TMEM234: variants seen among roughly 807,000 people sequenced by gnomAD.
TMEM234 encodes the protein transmembrane protein 234.
TMEM234 carries 21 observed loss-of-function variants against 17.8 expected under a neutral mutation model. That is an observed-to-expected ratio of 1.18 (90% CI 0.84 to 1.70). TMEM234 has a LOEUF of 1.70. Ranked by LOEUF, TMEM234 falls within the 40% of genes most tolerant of loss-of-function variation. The pLI is 0.00. For missense variants in TMEM234, 137 were observed against 166.9 expected, an observed-to-expected ratio of 0.82 and a Z score of 0.99; for synonymous variants, 83 against 73.5, an observed-to-expected ratio of 1.13 and a Z score of -0.66.
rs1638416443 is a variant in TMEM234, at chr1:32,216,698, C to T, written c.*155G>A. On this transcript the variant is annotated 3_prime_UTR_variant, in exon 5 of 5. Coordinates refer to ENST00000309777, the MANE Select transcript of TMEM234 (RefSeq NM_019118.5). ...GTTACAAAACTCTTTCACTCTTGTT[C>T]TCTTATTGTGATCCATGAGGTAGCT... is the stretch of plus-strand genomic sequence containing the variant. 6.7e-7 allele frequency: 1 copy of T among 1,496,394 alleles called. No individual in the cohort carries two copies. Among genetic ancestry groups the T allele is most frequent in the South Asian group, 1.3e-5 (1 of 75,006 alleles). 92.7% of individuals were successfully genotyped at this position (1,496,394 alleles called of 1,614,324 possible).
At chr1:32,220,707 C>G (rs577645976) in intron 3 of TMEM234, among the ~76,000 whole-genome samples, 1 of 152,170 alleles carries the variant, frequency 6.6e-6, no homozygotes, top group Non-Finnish European at 1.5e-5. Context: ...GGAGCTCTGA[C>G]TGTGTGCCAG....
At chr1:32,215,130 A>G, downstream of TMEM234, 6 of 740,938 alleles carry the variant, frequency 8.1e-6, no homozygotes, top group South Asian at 6.2e-5. Flanking sequence ...AAAAGCTGGT[A>G]CTGACCTCAT....
At chr1:32,219,045 G>A (rs775680343) in intron 3 of TMEM234, among the ~76,000 whole-genome samples, 1 of 151,588 alleles carries the variant, frequency 6.6e-6, no homozygotes, top group Non-Finnish European at 1.5e-5. Context: ...CTGGGAGGCG[G>A]AGGTTGCAGT....
chr1:32,221,199 TG>T lies in TMEM234; in HGVS notation c.169-3del. 6.2e-7 allele frequency: 1 copy of T among 1,612,880 alleles called. No individual in the cohort carries two copies. The highest frequency in any genetic ancestry group is 8.5e-7 in the Non-Finnish European group (1 of 1,179,420). The stretch of plus-strand genomic sequence containing the variant: ...GTTGAGGAGAAAGGGCATCAGGTAC[TG>T]GAAAGAGGAGAAACCTGCAGTCAGT... On this transcript the variant is annotated splice_polypyrimidine_tract_variant and splice_region_variant and intron_variant, in intron 2 of 4. Transcript: ENST00000309777.
Position 32,216,610 on chromosome 1 carries a change from G to A in TMEM234, c.*243C>T. ...AGGAAGAGAGCTGCTGGGGCAGAAA[G>A]GTTGCTGAGGGTGAGCGTAGAGTCT... On this transcript the variant is annotated 3_prime_UTR_variant, in exon 5 of 5. Coordinates refer to ENST00000309777, the MANE Select transcript of TMEM234 (RefSeq NM_019118.5). 6.5e-7 allele frequency: 1 copy of A among 1,536,958 alleles called. No homozygotes were observed. The highest frequency in any genetic ancestry group is 8.8e-7 in the Non-Finnish European group (1 of 1,136,802).
chr1:32,214,760 C>T, downstream of TMEM234: 1 of 1,611,760 alleles, frequency 6.2e-7, no homozygotes, highest in Non-Finnish European at 8.5e-7. Flanking sequence ...TAAGAATGGC[C>T]AGCAATCAGG....
chr1:32,217,072 CT>C, intron 4 of TMEM234, 125 bp from the exon 5 acceptor site: 1 of 1,567,748 alleles, frequency 6.4e-7, no homozygotes, highest in Non-Finnish European at 8.7e-7. Flanking sequence ...CTCTGTCTTT[CT>C]CCAGACTGTC....
chr1:32,216,681 A>G lies in TMEM234; in HGVS notation c.*172T>C. 6.7e-7 allele frequency: 1 copy of G among 1,491,518 alleles called. No individual in the cohort carries two copies. The highest frequency in any genetic ancestry group is 9.0e-7 in the Non-Finnish European group (1 of 1,116,204). 92.4% of individuals were successfully genotyped at this position (1,491,518 alleles called of 1,614,324 possible). ...CTGAACAGCACTTGAAGGTTACAAA[A>G]CTCTTTCACTCTTGTTCTCTTATTG... On this transcript the variant is annotated 3_prime_UTR_variant, in exon 5 of 5. Transcript: ENST00000309777.
rs59104994 is a variant in TMEM234 at position 32,219,112 on chromosome 1, C to CAAA, written c.236-1764_236-1762dup. Among the ~76,000 whole-genome samples, 575 of 71,798 alleles carry CAAA rather than the reference C, an allele frequency of 8.0e-3. 5 individuals are homozygous for CAAA. Among genetic ancestry groups the CAAA allele is most frequent in the African/African-American group, 0.024 (516 of 21,294 alleles). The allele number at this position is 71,798 out of a possible 152,430, so 47.1% of individuals were successfully genotyped here. Reference sequence around the variant, plus strand: ...GGGCAACAAGAGCGAAATGCCGTCTCAAAAAAAAAAAAAAAAAGCACCACA... The same window carrying CAAA: ...GGGCAACAAGAGCGAAATGCCGTCTCAAAAAAAAAAAAAAAAAAAAGCACCACA... On this transcript the variant is annotated intron_variant, in intron 3 of 4. Transcript: ENST00000309777.
At chr1:32,219,258 G>A (rs1351829212) in intron 3 of TMEM234, among the ~76,000 whole-genome samples, 2 of 152,178 alleles carry the variant, frequency 1.3e-5, no homozygotes, top group Non-Finnish European at 2.9e-5. Flanking sequence ...CCCAGGGCTC[G>A]CCTGTGTGAG....
chr1:32,222,267 G>A (rs1639001847), intron 1 of TMEM234, 40 bp downstream of exon 1: 2 of 1,532,652 alleles, frequency 1.3e-6, no homozygotes, highest in Non-Finnish European at 1.8e-6. Flanking sequence ...TTCGAGGCGA[G>A]GGTCGGGAAA....
At position 32,222,308 on chromosome 1, in the gene TMEM234, C is replaced by T. The variant is rs200137561; in HGVS notation, c.15G>A (p.Leu5=). 1 of 1,561,386 alleles carries T rather than the reference C, an allele frequency of 6.4e-7. No homozygotes were observed. The highest frequency in any genetic ancestry group is 8.7e-7 in the Non-Finnish European group (1 of 1,153,230). MAAS[L]GQVLALVLVA... ...GGAAGGGCGGGGCCGGCTACCTACC[C>T]AGAGACGCCGCCATGGCAACGCCGC... Residue 5 remains leucine (L), a splice_region_variant and synonymous_variant, in exon 1 of 5, where the codon CTG becomes CTA. Coordinates refer to ENST00000309777, the MANE Select transcript of TMEM234 (RefSeq NM_019118.5).
At chr1:32,215,628 TCTC>T, downstream of TMEM234, 4 of 1,292,432 alleles carry the variant, frequency 3.1e-6, no homozygotes, top group South Asian at 1.3e-5. Flanking sequence ...CAGGAACAGT[TCTC>T]CTCCCTTGTG....
At chr1:32,215,644 T>G, downstream of TMEM234, 1 of 1,164,226 alleles carries the variant, frequency 8.6e-7, no homozygotes, top group Admixed American at 2.6e-5. Context: ...CCCTTGTGAT[T>G]GAAAGTAAAT....
intron 3 of TMEM234, among the ~76,000 whole-genome samples, chr1:32,217,785 A>T (rs1056061803): frequency 6.6e-6 from 1 of 152,184 alleles, no homozygotes; most frequent in Non-Finnish European, 1.5e-5. Context: ...CAAGAAGGGG[A>T]TTATCACCAT....
Position 32,216,568 on chromosome 1 carries a change from G to C in TMEM234, c.*285C>G. The C allele has an allele frequency of 6.5e-7, 1 of 1,545,892 alleles. No individual in the cohort carries two copies. The highest frequency in any genetic ancestry group is 1.2e-5 in the South Asian group (1 of 83,986). ...GCCACAGTAATGGTGGCTGGGCTGG[G>C]AGCCTGAGATGTTAGCAGGAAGAGA... On this transcript the variant is annotated 3_prime_UTR_variant, in exon 5 of 5. Coordinates refer to ENST00000309777, the MANE Select transcript of TMEM234 (RefSeq NM_019118.5).
At chr1:32,214,737 G>A (rs41263995), downstream of TMEM234, 2,721 of 1,604,200 alleles carry the variant, frequency 1.7e-3, 5 homozygotes, top group Non-Finnish European at 2.2e-3. Flanking sequence ...CCTGAACTGG[G>A]GAGTAGGAAA....
chr1:32,221,726 G>A (rs1638927975), intron 2 of TMEM234, 141 bp downstream of exon 2: 1 of 1,172,994 alleles, frequency 8.5e-7, no homozygotes, highest in Non-Finnish European at 1.2e-6. Context: ...TACAGATGAT[G>A]AAACTGAGGC....
At chr1:32,221,789 A>G (rs1638935072) in intron 2 of TMEM234, 78 bp downstream of exon 2, 4 of 1,585,986 alleles carry the variant, frequency 2.5e-6, no homozygotes, top group Non-Finnish European at 3.4e-6. Flanking sequence ...GGTGGGGCTG[A>G]CCCAGACCTG....
Sources: allele counts gnomAD v4.1 joint callset (sites outside exome capture counted in the v4.1 genomes callset), GRCh38; gene constraint gnomAD v4.1.1; transcripts MANE v1.5; gene names NCBI Gene and HGNC (gene_info 2026-07-23, HGNC 2026-07-21).